The following KCND2 variants were observed in gnomAD, a reference collection of about 807,000 sequenced individuals.
KCND2 encodes the protein A-type voltage-gated potassium channel KCND2.
In KCND2, 16 loss-of-function variants were observed where a neutral mutation model predicts 54.4. That is an observed-to-expected ratio of 0.29 (90% CI 0.20 to 0.45). The LOEUF (loss-of-function observed/expected upper bound fraction) is 0.45, where lower values mean the gene tolerates loss of function less well. Ranked by LOEUF, KCND2 falls within the 20% of genes least tolerant of loss-of-function variation. The pLI is 1.00. For missense variants in KCND2, 486 were observed against 824.2 expected (o/e 0.59, Z 5.02); for synonymous variants, 317 against 310.7 (o/e 1.02, Z -0.21).
intron 1 of KCND2, among the ~76,000 whole-genome samples, chr7:120,345,342 A>G (rs1800300249): frequency 6.6e-6 from 1 of 152,206 alleles, no homozygotes; most frequent in African/African-American, 2.4e-5. Flanking sequence ...CATAACTAGT[A>G]CGATTAAGAC....
At chr7:120,500,976 G>T (rs1802923076) in intron 1 of KCND2, among the ~76,000 whole-genome samples, 1 of 151,420 alleles carries the variant, frequency 6.6e-6, no homozygotes, top group Non-Finnish European at 1.5e-5. Flanking sequence ...GCTAGAATTT[G>T]TCCTTTTTGT....
At chr7:120,732,615 A>G (rs934341861) in intron 1 of KCND2, among the ~76,000 whole-genome samples, 1 of 152,158 alleles carries the variant, frequency 6.6e-6, no homozygotes, top group African/African-American at 2.4e-5. Context: ...CATGGCATAT[A>G]AAGGAAAAAT....
chr7:120,634,505 C>G (rs1254042893), intron 1 of KCND2, among the ~76,000 whole-genome samples: 1 of 152,028 alleles, frequency 6.6e-6, no homozygotes, highest in African/African-American at 2.4e-5. Flanking sequence ...AATCGAGAAC[C>G]CTGGGTGTAA....
At chr7:120,400,271 A>T (rs896994402) in intron 1 of KCND2, among the ~76,000 whole-genome samples, 2 of 152,180 alleles carry the variant, frequency 1.3e-5, no homozygotes, top group South Asian at 4.1e-4. Context: ...TTCTACAATA[A>T]GGAGGAGTAC....
intron 1 of KCND2, among the ~76,000 whole-genome samples, chr7:120,390,348 A>C (rs1801055114): frequency 6.6e-6 from 1 of 151,968 alleles, no homozygotes. Context: ...ATGACGATGA[A>C]GGTGATTATG....
chr7:120,427,508 G>A (rs746693182), intron 1 of KCND2, among the ~76,000 whole-genome samples: 1 of 152,166 alleles, frequency 6.6e-6, no homozygotes, highest in Non-Finnish European at 1.5e-5. Context: ...TAAAAGCTGG[G>A]CATATCAACA....
At chr7:120,309,463 A>ATATATATATG (rs1799698545) in intron 1 of KCND2, among the ~76,000 whole-genome samples, 2 of 118,776 alleles carry the variant, frequency 1.7e-5, no homozygotes, top group Non-Finnish European at 3.5e-5. Context: ...ATATATATAT[A>ATATATATATG]TATATATATA....
intron 2 of KCND2, among the ~76,000 whole-genome samples, chr7:120,739,798 AAC>A (rs10571787): frequency 0.019 from 2,703 of 143,582 alleles, 35 homozygotes; most frequent in African/African-American, 0.038. Flanking sequence ...TAACAAAAGA[AAC>A]ACACACACAC....
chr7:120,604,140 G>A (rs954289356), intron 1 of KCND2, among the ~76,000 whole-genome samples: 1 of 152,122 alleles, frequency 6.6e-6, no homozygotes, highest in Admixed American at 6.6e-5. Context: ...TAAAATGTTA[G>A]CCATTGCTGC....
intron 1 of KCND2, among the ~76,000 whole-genome samples, chr7:120,630,369 A>C (rs1466114749): frequency 1.3e-5 from 2 of 152,144 alleles, no homozygotes; most frequent in Admixed American, 1.3e-4. Context: ...CATTTCTTCA[A>C]TGTGAAAAAA....
chr7:120,459,616 A>G (rs1026712468), intron 1 of KCND2, among the ~76,000 whole-genome samples: 1 of 152,204 alleles, frequency 6.6e-6, no homozygotes, highest in Non-Finnish European at 1.5e-5. Context: ...ACATTGCCTA[A>G]AATAGTAAGT....
intron 1 of KCND2, among the ~76,000 whole-genome samples, chr7:120,660,819 G>A (rs922373211): frequency 5.3e-5 from 8 of 152,124 alleles, no homozygotes; most frequent in Non-Finnish European, 8.8e-5. Flanking sequence ...TCTAGCTCCA[G>A]CATTTAAAAA....
intron 1 of KCND2, among the ~76,000 whole-genome samples, chr7:120,281,070 G>T (rs1799253779): frequency 6.6e-6 from 1 of 152,064 alleles, no homozygotes; most frequent in African/African-American, 2.4e-5. Context: ...ACTCAATGGT[G>T]AATCTTTTAC....
At chr7:120,525,191 T>G (rs2116354149) in intron 1 of KCND2, among the ~76,000 whole-genome samples, 1 of 152,326 alleles carries the variant, frequency 6.6e-6, no homozygotes, top group East Asian at 1.9e-4. Context: ...TTTGCTATTG[T>G]GTTCAAATTC....
At chr7:120,550,900 A>G (rs529638877) in intron 1 of KCND2, among the ~76,000 whole-genome samples, 4 of 152,336 alleles carry the variant, frequency 2.6e-5, no homozygotes, top group African/African-American at 4.8e-5. Context: ...CTCATTTTAA[A>G]TGATCAAATT....
At chr7:120,395,731 A>G (rs1801145037) in intron 1 of KCND2, among the ~76,000 whole-genome samples, 1 of 151,974 alleles carries the variant, frequency 6.6e-6, no homozygotes, top group Non-Finnish European at 1.5e-5. Context: ...CCAGGCTGTT[A>G]CCATGGCCCA....
chr7:120,472,562 T>TACACACACACACAC (rs10679656), intron 1 of KCND2, among the ~76,000 whole-genome samples: 2 of 149,528 alleles, frequency 1.3e-5, no homozygotes, highest in African/African-American at 4.9e-5. Context: ...AGACTTTAAA[T>TACACACACACACAC]ACACACACAC....
intron 1 of KCND2, among the ~76,000 whole-genome samples, chr7:120,343,629 A>G (rs956740241): frequency 6.6e-6 from 1 of 152,196 alleles, no homozygotes; most frequent in Non-Finnish European, 1.5e-5. Flanking sequence ...GGATATCAGG[A>G]TGAGAAGTTG....
chr7:120,415,628 G>A (rs574295355), intron 1 of KCND2, among the ~76,000 whole-genome samples: 1 of 152,218 alleles, frequency 6.6e-6, no homozygotes, highest in South Asian at 2.1e-4. Flanking sequence ...TCTAGGCTCA[G>A]TCTGGGCTCT....
Sources: allele counts gnomAD v4.1 joint callset (sites outside exome capture counted in the v4.1 genomes callset), GRCh38; gene constraint gnomAD v4.1.1; transcripts MANE v1.5; gene names NCBI Gene and HGNC (gene_info 2026-07-23, HGNC 2026-07-21).